Variants in AGTPBP1 observed in about 807,000 individuals in gnomAD.
AGTPBP1 encodes cytosolic carboxypeptidase 1.
In AGTPBP1, 70 loss-of-function variants were observed where a neutral mutation model predicts 143.9. The observed-to-expected ratio is 0.49, with a 90% confidence interval of 0.40 to 0.59. The LOEUF is 0.59. Ranked by LOEUF, AGTPBP1 falls within the 20% of genes least tolerant of loss-of-function variation. The pLI, the probability that AGTPBP1 is intolerant of heterozygous loss-of-function variation, is 0.00. For synonymous variants in AGTPBP1, 463 were observed against 500.2 expected, an observed-to-expected ratio of 0.93 and a Z score of 0.99; for missense variants, 1,229 against 1,464.5, an observed-to-expected ratio of 0.84 and a Z score of 2.62.
At chr9:85,659,412 T>C (rs1021607328) in intron 9 of AGTPBP1, among the ~76,000 whole-genome samples, 2 of 152,196 alleles carry the variant, frequency 1.3e-5, no homozygotes, top group Non-Finnish European at 2.9e-5. Flanking sequence ...TACTAAATTT[T>C]ATTTTGTATC....
At chr9:85,608,816 A>G (rs1251633090) in intron 17 of AGTPBP1, among the ~76,000 whole-genome samples, 3 of 152,170 alleles carry the variant, frequency 2.0e-5, no homozygotes, top group Non-Finnish European at 4.4e-5. Flanking sequence ...ACTAGAAATT[A>G]CAAACAAAAT....
At chr9:85,705,555 C>T (rs920672122) in intron 2 of AGTPBP1, among the ~76,000 whole-genome samples, 2 of 152,008 alleles carry the variant, frequency 1.3e-5, no homozygotes, top group African/African-American at 4.8e-5. Context: ...AGTGATAAGA[C>T]AATGATACTA....
chr9:85,732,210 C>CTTTT (rs144655182), intron 1 of AGTPBP1, among the ~76,000 whole-genome samples: 21 of 120,970 alleles, frequency 1.7e-4, no homozygotes, highest in African/African-American at 2.0e-4. Flanking sequence ...GACTATGACC[C>CTTTT]TTTTTTTTTT....
the AGTPBP1 span, among the ~76,000 whole-genome samples, chr9:85,799,440 G>C: frequency 1.3e-5 from 2 of 152,082 alleles, no homozygotes; most frequent in Non-Finnish European, 2.9e-5. Flanking sequence ...AATTTACACA[G>C]GCAGGAGGAT....
chr9:85,593,826 C>T (rs1829123649), intron 18 of AGTPBP1, among the ~76,000 whole-genome samples: 1 of 152,096 alleles, frequency 6.6e-6, no homozygotes, highest in East Asian at 1.9e-4. Context: ...TATACATTAC[C>T]TTCCAGACTC....
chr9:85,604,673 G>T lies in AGTPBP1; in HGVS notation c.2336-8224C>A, dbSNP rs181141014. 1.6e-3 allele frequency among the ~76,000 whole-genome samples: 250 copies of T among 152,252 alleles called. 1 individual carries two copies. The highest frequency in any genetic ancestry group is 4.9e-3 in the African/African-American group (202 of 41,552). On this transcript the variant is annotated intron_variant, in intron 17 of 25. Transcript: ENST00000357081. ...CAATCCTGGAGAAACAGAAATATGT[G>T]ATCTTTCAGACAGAGAATTCAAACT...
At chr9:85,712,590 T>C in intron 1 of AGTPBP1, 24 bp from the exon 2 acceptor site, 2 of 1,232,126 alleles carry the variant, frequency 1.6e-6, no homozygotes, top group Admixed American at 2.7e-5. Flanking sequence ...GTTAATGATA[T>C]TAAAAACTTA....
In AGTPBP1 at chr9:85,607,205, TTAAC is replaced by T. The variant is rs370664632; in HGVS notation, c.2336-10760_2336-10757del. ...AATATTATGTATCAATTTTTAAAAG[TTAAC>T]TATATAAAGTAGTGAAAGGTTCAAG... On this transcript the variant is annotated intron_variant, in intron 17 of 25. Transcript: ENST00000357081. Among the ~76,000 whole-genome samples, 20 of 152,168 alleles carry T rather than the reference TTAAC, an allele frequency of 1.3e-4. No homozygotes were observed. In the East Asian group the frequency reaches 3.5e-3, roughly 26 times the overall value.
intron 1 of AGTPBP1, among the ~76,000 whole-genome samples, chr9:85,731,954 A>G (rs1838910895): frequency 6.6e-6 from 1 of 152,198 alleles, no homozygotes; most frequent in Non-Finnish European, 1.5e-5. Flanking sequence ...AGATACTTAT[A>G]AAAAGTCTAA....
Position 85,657,564 on chromosome 9 carries a change from A to G in AGTPBP1, c.780T>C (p.Asp260=), listed in dbSNP as rs749130761. The G allele has an allele frequency of 6.2e-7, 1 of 1,614,058 alleles. No individual in the cohort carries two copies. Among genetic ancestry groups the G allele is most frequent in the Non-Finnish European group, 8.5e-7 (1 of 1,179,930 alleles). The change falls in exon 10 of 26, where the codon GAT becomes GAC. Residue 260 remains aspartate, a synonymous_variant. Transcript: ENST00000357081. ...GAATGAGCATGTTTCTATGCCGGTTATCATGGCGGTGCCAATCTACATAAA... is the reference window on the plus strand; with the variant it reads ...GAATGAGCATGTTTCTATGCCGGTTGTCATGGCGGTGCCAATCTACATAAA... ...LTIYVDWHRH[D]NRHRNMLIRK...
chr9:85,561,262 TGAGGCAGGAGAATCGCTTGAACCTGG>T (rs1182008534), intron 25 of AGTPBP1, among the ~76,000 whole-genome samples: 2 of 151,762 alleles, frequency 1.3e-5, no homozygotes, highest in South Asian at 2.1e-4. Context: ...CTTGGGAGGC[TGAGGCAGGAGAATCGCTTGAACCTGG>T]GAGGCAGGAG....
At position 85,560,498 on chromosome 9, in the gene AGTPBP1, T is replaced by G. The variant is rs145192100; in HGVS notation, c.3504-13212A>C. On this transcript the variant is annotated intron_variant, in intron 25 of 25. Coordinates refer to ENST00000357081, the MANE Select transcript of AGTPBP1 (RefSeq NM_001330701.2). ...ACAATCCAGAAAATGAGGGTGCAAG[T>G]GGGGAGCGCAAGTCAAAGTCTGCTC... Among the ~76,000 whole-genome samples, 352 of 152,186 alleles carry G rather than the reference T, an allele frequency of 2.3e-3. 1 individual carries two copies. Among genetic ancestry groups the G allele is most frequent in the African/African-American group, 7.9e-3 (330 of 41,528 alleles).
chr9:85,646,489 T>G, intron 11 of AGTPBP1, 71 bp from the exon 12 acceptor site: 1 of 1,033,030 alleles, frequency 9.7e-7, no homozygotes. Flanking sequence ...AATGGTAGAA[T>G]GTGACTTATA....
the AGTPBP1 span, chr9:85,764,571 A>C: frequency 1.9e-6 from 1 of 526,868 alleles, no homozygotes. Context: ...CCCTCAAAAA[A>C]ATCCATGGGA....
the AGTPBP1 span, among the ~76,000 whole-genome samples, chr9:85,755,821 C>T: frequency 1.3e-5 from 2 of 152,164 alleles, no homozygotes; most frequent in African/African-American, 2.4e-5. Flanking sequence ...GCCCTTTCTT[C>T]GTCAGGCTAA....
the AGTPBP1 span, among the ~76,000 whole-genome samples, chr9:85,787,196 T>A: frequency 3.9e-5 from 6 of 152,202 alleles, no homozygotes; most frequent in African/African-American, 1.2e-4. Context: ...TATAATGCTA[T>A]CTTTTTTGTT....
intron 11 of AGTPBP1, among the ~76,000 whole-genome samples, chr9:85,649,233 T>C (rs1679850124): frequency 6.6e-6 from 1 of 152,204 alleles, no homozygotes; most frequent in South Asian, 2.1e-4. Flanking sequence ...ATACTACAAC[T>C]GTATGATGTA....
intron 25 of AGTPBP1, among the ~76,000 whole-genome samples, chr9:85,558,859 T>A (rs1469272084): frequency 6.6e-6 from 1 of 152,224 alleles, no homozygotes; most frequent in Non-Finnish European, 1.5e-5. Flanking sequence ...ACTCAAGACA[T>A]CTGCCTGCCT....
At chr9:85,741,716 G>A in intron 1 of AGTPBP1, 59 bp downstream of exon 1, 2 of 1,271,650 alleles carry the variant, frequency 1.6e-6, no homozygotes, top group South Asian at 2.6e-5. Context: ...ATCTCCCGCG[G>A]CCCGGGGAGA....
Sources: allele counts gnomAD v4.1 joint callset (sites outside exome capture counted in the v4.1 genomes callset), GRCh38; gene constraint gnomAD v4.1.1; transcripts MANE v1.5; gene names NCBI Gene and HGNC (gene_info 2026-07-23, HGNC 2026-07-21).